The following KDM2B variants were observed in gnomAD, a reference collection of about 807,000 sequenced individuals.
KDM2B encodes the protein lysine demethylase 2B.
KDM2B carries 26 observed loss-of-function variants against 150.0 expected under a neutral mutation model. The ratio of observed to expected loss-of-function variants is 0.17; its 90% CI spans 0.13 to 0.24. The LOEUF is 0.24. KDM2B is among the 10% of genes least tolerant of loss of function. The pLI is 1.00. For missense variants in KDM2B, 1,265 were observed against 1,816.9 expected (o/e 0.70, Z 5.52); for synonymous variants, 734 against 729.5 (o/e 1.01, Z -0.10).
chr12:121,420,242 G>A, the KDM2B span: 9 of 1,608,974 alleles, frequency 5.6e-6, no homozygotes, highest in East Asian at 2.2e-5. Context: ...ATAAGTGTAG[G>A]TACAAAGTGA....
chr12:121,521,117 A>C lies in KDM2B; in HGVS notation c.932-17T>G, dbSNP rs1555305873. 2 of 1,584,514 alleles carry C rather than the reference A, an allele frequency of 1.3e-6. No individual in the cohort carries two copies. The highest frequency in any genetic ancestry group is 1.7e-5 in the Admixed American group (1 of 59,934). ...GGATCCAACCTGGGGTGGGAAGGGCAAGGAGAGGATGAGCCGCTGGCCCCT... is the reference window on the plus strand; with the variant it reads ...GGATCCAACCTGGGGTGGGAAGGGCCAGGAGAGGATGAGCCGCTGGCCCCT... On this transcript the variant is annotated splice_polypyrimidine_tract_variant and intron_variant, in intron 8 of 22. Transcript: ENST00000377071. This position sits in a 1 kb window ranked among gnomAD's most constrained non-coding sequence, Gnocchi z 4.9.
chr12:121,434,641 T>C (rs1873664945), intron 22 of KDM2B, among the ~76,000 whole-genome samples: 1 of 151,496 alleles, frequency 6.6e-6, no homozygotes, highest in South Asian at 2.1e-4. Flanking sequence ...GCTGGAAAAA[T>C]TGAATTTCGA....
intron 4 of KDM2B, among the ~76,000 whole-genome samples, chr12:121,568,093 G>A (rs1054693984): frequency 8.5e-5 from 13 of 152,050 alleles, no homozygotes; most frequent in African/African-American, 2.7e-4. Flanking sequence ...CCAAGCAAAC[G>A]AATACACCTG....
chr12:121,432,093 G>A (rs1873150949), intron 22 of KDM2B, among the ~76,000 whole-genome samples: 1 of 151,764 alleles, frequency 6.6e-6, no homozygotes, highest in South Asian at 2.1e-4. Context: ...TGTTAGCCAG[G>A]CTGGTCTTGA....
intron 8 of KDM2B, among the ~76,000 whole-genome samples, chr12:121,528,154 A>AC (rs1488557881): frequency 6.6e-6 from 1 of 152,016 alleles, no homozygotes; most frequent in African/African-American, 2.4e-5. Context: ...GCAAGCTCAA[A>AC]CCCCTTTCTC....
chr12:121,431,121 A>G (rs962425123), intron 22 of KDM2B, among the ~76,000 whole-genome samples: 2 of 144,436 alleles, frequency 1.4e-5, no homozygotes, highest in East Asian at 4.2e-4. Flanking sequence ...CCTCATCTGC[A>G]GACACACCCT....
the KDM2B span, chr12:121,423,892 T>C: frequency 7.5e-6 from 2 of 267,380 alleles, no homozygotes; most frequent in Non-Finnish European, 1.4e-5. The surrounding 1 kb of genome is among the most constrained non-coding windows in gnomAD (Gnocchi z 4.3). Context: ...CTTATCCTGT[T>C]CTCTTATTTC....
intron 6 of KDM2B, among the ~76,000 whole-genome samples, chr12:121,546,379 C>CTTTTTTTTTTTTTTTTTTT (rs371614406): frequency 5.1e-5 from 5 of 97,478 alleles, no homozygotes; most frequent in South Asian, 3.8e-4. Flanking sequence ...TTTTTTTTGC[C>CTTTTTTTTTTTTTTTTTTT]TTTTTTTTTT....
At position 121,518,664 on chromosome 12, in the gene KDM2B, C is replaced by T. The variant is rs1012717153; in HGVS notation, c.1047+2321G>A. Among the ~76,000 whole-genome samples the T allele has an allele frequency of 3.3e-5, 5 of 152,324 alleles. No homozygotes were observed. The South Asian group carries it at 8.3e-4, about 25-fold the overall frequency. ...CTAAGGGAACCATGGGGCCCAAATC[C>T]GCTGAGTTTACAATTGAATTCCCAG... is the stretch of plus-strand genomic sequence containing the variant. On this transcript the variant is annotated intron_variant, in intron 9 of 22. Coordinates refer to ENST00000377071, the MANE Select transcript of KDM2B (RefSeq NM_032590.5). The surrounding 1 kb of genome is among the most constrained non-coding windows in gnomAD (Gnocchi z 4.4).
At chr12:121,502,738 AG>A (rs1369262717) in intron 11 of KDM2B, among the ~76,000 whole-genome samples, 13 of 143,798 alleles carry the variant, frequency 9.0e-5, no homozygotes, top group African/African-American at 3.4e-4. Flanking sequence ...CCTGGGCAGC[AG>A]AGCGAGACCC....
At chr12:121,413,319 G>T in the KDM2B span, among the ~76,000 whole-genome samples, 3 of 152,128 alleles carry the variant, frequency 2.0e-5, no homozygotes, top group Admixed American at 6.6e-5. Flanking sequence ...AAGCCACTGA[G>T]CCTGGCCAGA....
intron 12 of KDM2B, among the ~76,000 whole-genome samples, chr12:121,481,572 A>G (rs1555297869): frequency 6.6e-6 from 1 of 152,024 alleles, no homozygotes; most frequent in African/African-American, 2.4e-5. Flanking sequence ...ACTTATTCCT[A>G]ATGTCAATGA....
intron 11 of KDM2B, 65 bp downstream of exon 11, chr12:121,509,502 T>A: frequency 6.4e-7 from 1 of 1,573,092 alleles, no homozygotes; most frequent in Non-Finnish European, 8.6e-7. Flanking sequence ...GCTGCACGTG[T>A]CACACTGAAC....
chr12:121,529,854 C>T (rs1336659849), intron 8 of KDM2B, among the ~76,000 whole-genome samples: 1 of 150,048 alleles, frequency 6.7e-6, no homozygotes, highest in Admixed American at 6.7e-5. Flanking sequence ...CGCTTGAACC[C>T]GGGAGGCGGA....
intron 22 of KDM2B, among the ~76,000 whole-genome samples, chr12:121,434,468 T>C (rs566864782): frequency 3.1e-4 from 39 of 127,236 alleles, no homozygotes; most frequent in Non-Finnish European, 4.8e-4. Context: ...TGCACTGCAC[T>C]CCAGGCTGGG....
At chr12:121,532,655 G>T in intron 8 of KDM2B, 151 bp downstream of exon 8, 1 of 757,764 alleles carries the variant, frequency 1.3e-6, no homozygotes, top group Non-Finnish European at 2.2e-6. Context: ...AAACTGCACG[G>T]CTTTTCCCTC....
intron 6 of KDM2B, among the ~76,000 whole-genome samples, chr12:121,546,366 C>CT (rs1166095926): frequency 7.0e-4 from 87 of 123,478 alleles, no homozygotes; most frequent in African/African-American, 1.5e-3. Flanking sequence ...TCTCCTCTGT[C>CT]TTTTTTTTTT....
At chr12:121,481,233 G>A (rs189405813) in intron 12 of KDM2B, among the ~76,000 whole-genome samples, 1 of 152,250 alleles carries the variant, frequency 6.6e-6, no homozygotes, top group African/African-American at 2.4e-5. Context: ...GCCGATGAGA[G>A]TATTTCTGAT....
chr12:121,573,655 G>A (rs145403172), intron 4 of KDM2B, among the ~76,000 whole-genome samples: 155 of 148,786 alleles, frequency 1.0e-3, no homozygotes, highest in Middle Eastern at 3.5e-3. Flanking sequence ...CGCCATCTCT[G>A]CTCACAGCAA....
Sources: gnomAD v4.1 joint callset for allele counts (sites outside exome capture counted in the v4.1 genomes callset) on GRCh38, gnomAD v4.1.1 for gene constraint, Gnocchi (gnomAD v3.1) non-coding constraint, MANE v1.5 for transcripts, NCBI Gene and HGNC (gene_info 2026-07-23, HGNC 2026-07-21) for gene names.